The following SEMA3A variants were observed in gnomAD, a reference collection of about 807,000 sequenced individuals.
The protein encoded by SEMA3A is semaphorin-3A.
SEMA3A carries 29 observed loss-of-function variants against 97.9 expected under a neutral mutation model. That is an observed-to-expected ratio of 0.30 (90% CI 0.22 to 0.40). The LOEUF (loss-of-function observed/expected upper bound fraction) is 0.40. SEMA3A is among the 10% of genes least tolerant of loss of function. The pLI, the probability that SEMA3A is intolerant of heterozygous loss-of-function variation, is 1.00. For missense variants in SEMA3A, 763 were observed against 951.3 expected, an observed-to-expected ratio of 0.80 and a Z score of 2.60; for synonymous variants, 321 against 323.7, an observed-to-expected ratio of 0.99 and a Z score of 0.09.
intron 1 of SEMA3A, among the ~76,000 whole-genome samples, chr7:84,170,237 T>G (rs2116200189): frequency 6.6e-6 from 1 of 152,128 alleles, no homozygotes; most frequent in Non-Finnish European, 1.5e-5. Flanking sequence ...CGCGTTGCTT[T>G]ATATTTTTCC....
At chr7:84,250,397 G>T (rs1799580296) in intron 3 of SEMA3A, among the ~76,000 whole-genome samples, 1 of 152,054 alleles carries the variant, frequency 6.6e-6, no homozygotes, top group Non-Finnish European at 1.5e-5. Flanking sequence ...AAAATCAAAT[G>T]ACTTTGACGA....
intron 1 of SEMA3A, among the ~76,000 whole-genome samples, chr7:84,465,951 A>G (rs1805983389): frequency 6.6e-6 from 1 of 152,066 alleles, no homozygotes; most frequent in South Asian, 2.1e-4. Flanking sequence ...TTATTTCCTT[A>G]TAATGGCTTC....
intron 3 of SEMA3A, among the ~76,000 whole-genome samples, chr7:84,302,947 C>A (rs1034096007): frequency 2.0e-5 from 3 of 151,908 alleles, no homozygotes; most frequent in African/African-American, 7.3e-5. Context: ...ACACTTAGTA[C>A]AGATTAGCAA....
chr7:84,110,253 GCTTT>G (rs1795236334), intron 4 of SEMA3A, among the ~76,000 whole-genome samples: 1 of 152,132 alleles, frequency 6.6e-6, no homozygotes, highest in African/African-American at 2.4e-5. Flanking sequence ...GAAAACAAAT[GCTTT>G]CTTCCTTCCT....
intron 1 of SEMA3A, among the ~76,000 whole-genome samples, chr7:84,487,020 C>G (rs1473781678): frequency 6.6e-6 from 1 of 152,070 alleles, no homozygotes; most frequent in African/African-American, 2.4e-5. Flanking sequence ...GAAGTTACTA[C>G]TAATTAGATG....
intron 11 of SEMA3A, 125 bp from the exon 12 acceptor site, chr7:84,002,171 T>A: frequency 3.4e-6 from 2 of 585,118 alleles, no homozygotes; most frequent in Admixed American, 7.0e-5. Context: ...TTAATTCATT[T>A]TTTGGTCAAA....
chr7:84,463,628 T>G (rs1805920187), intron 1 of SEMA3A, among the ~76,000 whole-genome samples: 2 of 152,124 alleles, frequency 1.3e-5, no homozygotes, highest in African/African-American at 4.8e-5. Flanking sequence ...AGCTTCTTAT[T>G]GCATTCTTGT....
intron 4 of SEMA3A, among the ~76,000 whole-genome samples, chr7:84,063,410 C>G (rs1257868351): frequency 1.3e-5 from 2 of 151,312 alleles, no homozygotes; most frequent in Non-Finnish European, 2.9e-5. Context: ...CGGAACAAAG[C>G]TGGATGGAGA....
At chr7:84,113,527 G>A (rs912627059) in intron 3 of SEMA3A, among the ~76,000 whole-genome samples, 20 of 152,226 alleles carry the variant, frequency 1.3e-4, no homozygotes, top group Admixed American at 1.2e-3. Flanking sequence ...GAACCATGAC[G>A]ATTCTTAAAA....
chr7:84,094,717 C>A lies in SEMA3A; in HGVS notation c.453+15753G>T, dbSNP rs78418602. On this transcript the variant is annotated intron_variant, in intron 4 of 16. Transcript: ENST00000265362. ...CACCACCGCTAACAACTAAAACACA[C>A]TTTGCAACACAAAAACTCACAAACC... Among the ~76,000 whole-genome samples, 31 of 152,220 alleles carry A rather than the reference C, an allele frequency of 2.0e-4. No homozygotes were observed. In the East Asian group the frequency reaches 6.0e-3, roughly 29 times the overall value.
At chr7:84,295,906 A>G (rs1800858780) in intron 3 of SEMA3A, among the ~76,000 whole-genome samples, 1 of 152,094 alleles carries the variant, frequency 6.6e-6, no homozygotes, top group Admixed American at 6.6e-5. Context: ...AGTTATATCT[A>G]TACATCCACA....
intron 1 of SEMA3A, among the ~76,000 whole-genome samples, chr7:84,137,264 G>A (rs775582488): frequency 2.6e-5 from 4 of 151,926 alleles, no homozygotes; most frequent in Admixed American, 6.6e-5. Context: ...AGCTGGGCTT[G>A]ATGGCGGGTG....
At chr7:84,462,688 G>A (rs567691393) in intron 1 of SEMA3A, among the ~76,000 whole-genome samples, 2 of 152,144 alleles carry the variant, frequency 1.3e-5, no homozygotes, top group Admixed American at 6.5e-5. Context: ...ATGTGTGAAT[G>A]CCTACTCTAG....
At chr7:84,338,477 T>C (rs538209807) in intron 2 of SEMA3A, among the ~76,000 whole-genome samples, 1 of 152,208 alleles carries the variant, frequency 6.6e-6, no homozygotes, top group African/African-American at 2.4e-5. Flanking sequence ...ATGGTAATAC[T>C]CTTAATGTTT....
chr7:84,060,690 T>G lies in SEMA3A; in HGVS notation c.454-132A>C, dbSNP rs907732453. ...AAGAGTTATTTTTATTTGTTCAAATTTTTGAGATGGCAAAATAAATCAAGT... is the reference window on the plus strand; with the variant it reads ...AAGAGTTATTTTTATTTGTTCAAATGTTTGAGATGGCAAAATAAATCAAGT... On this transcript the variant is annotated intron_variant, in intron 4 of 16. Transcript: ENST00000265362. 32 of 552,670 alleles carry G rather than the reference T, an allele frequency of 5.8e-5. No homozygotes were observed. The East Asian group carries it at 1.1e-3, about 18-fold the overall frequency. 34.2% of individuals were successfully genotyped at this position (552,670 alleles called of 1,614,324 possible).
chr7:84,012,399 C>T (rs1790917857), intron 7 of SEMA3A, among the ~76,000 whole-genome samples: 1 of 152,076 alleles, frequency 6.6e-6, no homozygotes, highest in African/African-American at 2.4e-5. Flanking sequence ...TTCCTTTCTA[C>T]TCTGCAATGA....
intron 3 of SEMA3A, among the ~76,000 whole-genome samples, chr7:84,249,655 A>C (rs2115604757): frequency 6.6e-6 from 1 of 152,198 alleles, no homozygotes; most frequent in African/African-American, 2.4e-5. Flanking sequence ...TACTGAAAAG[A>C]ACCATGATTC....
chr7:84,263,299 C>T (rs1328639065), intron 3 of SEMA3A, among the ~76,000 whole-genome samples: 4 of 152,098 alleles, frequency 2.6e-5, no homozygotes, highest in Admixed American at 1.3e-4. Context: ...TCTGGAAGTC[C>T]CAGTAACTCC....
chr7:84,470,553 T>G (rs1490125769), intron 1 of SEMA3A, among the ~76,000 whole-genome samples: 2 of 152,086 alleles, frequency 1.3e-5, no homozygotes, highest in African/African-American at 4.8e-5. Flanking sequence ...CGTGCCCTAG[T>G]GGTTTAACTT....
Sources: gnomAD v4.1 joint callset for allele counts (sites outside exome capture counted in the v4.1 genomes callset) on GRCh38, gnomAD v4.1.1 for gene constraint, MANE v1.5 for transcripts, NCBI Gene and HGNC (gene_info 2026-07-23, HGNC 2026-07-21) for gene names.